The following TC2N variants were observed in gnomAD, a reference collection of about 807,000 sequenced individuals.
TC2N encodes tandem C2 domains nuclear protein.
In TC2N, 51 loss-of-function variants were observed where a neutral mutation model predicts 61.9. The observed-to-expected ratio is 0.82, with a 90% CI of 0.66 to 1.04. TC2N has a LOEUF of 1.04. TC2N is among the 50% of genes least tolerant of loss of function. The pLI is 0.00. For missense variants in TC2N, 556 were observed against 566.7 expected (o/e 0.98, Z 0.19); for synonymous variants, 204 against 192.6 (o/e 1.06, Z -0.49).
At chr14:91,793,745 T>C (rs1885770632) in intron 8 of TC2N, among the ~76,000 whole-genome samples, 1 of 152,108 alleles carries the variant, frequency 6.6e-6, no homozygotes. Context: ...CTCCCTCTCC[T>C]CAGGCCTCCC....
At chr14:91,806,174 G>A (rs1449473946) in intron 3 of TC2N, among the ~76,000 whole-genome samples, 4 of 152,134 alleles carry the variant, frequency 2.6e-5, no homozygotes, top group Non-Finnish European at 4.4e-5. Context: ...CCCCAGCCAC[G>A]TGGAACTGTG....
intron 1 of TC2N, among the ~76,000 whole-genome samples, chr14:91,838,466 G>A (rs1888107247): frequency 1.3e-5 from 2 of 152,206 alleles, no homozygotes; most frequent in Admixed American, 6.5e-5. Context: ...CCTAAGGAGA[G>A]CACATCCTTG....
At chr14:91,807,349 G>A (rs1566771252) in intron 3 of TC2N, among the ~76,000 whole-genome samples, 2 of 152,180 alleles carry the variant, frequency 1.3e-5, no homozygotes, top group East Asian at 1.9e-4. Context: ...TTTGCATTGT[G>A]CACCTGGAAA....
At chr14:91,834,501 G>A (rs1352719680) in intron 1 of TC2N, among the ~76,000 whole-genome samples, 1 of 151,414 alleles carries the variant, frequency 6.6e-6, no homozygotes, top group Non-Finnish European at 1.5e-5. Flanking sequence ...CCTAATCAAT[G>A]GATCGCCTCT....
Position 91,813,786 on chromosome 14 carries a change from T to A in TC2N, c.-17A>T. The A allele has an allele frequency of 6.3e-7, 1 of 1,585,134 alleles. No individual in the cohort carries two copies. The highest frequency in any genetic ancestry group is 1.3e-5 in the African/African-American group (1 of 74,396). On this transcript the variant is annotated 5_prime_UTR_variant, in exon 2 of 12. Transcript: ENST00000435962. ...TGTTGCCATTACATTCAATTTCCAA[T>A]ATCCAGCAAAAGACACAAACTTCCA... is the stretch of plus-strand genomic sequence containing the variant.
chr14:91,792,361 G>A lies in TC2N; in HGVS notation c.1047+6C>T, dbSNP rs370028113. On this transcript the variant is annotated splice_donor_region_variant and intron_variant, in intron 9 of 11. Transcript: ENST00000435962. ...GAAATACTCTTAACATACTATTATCGCTTACAGAAATTTTTGAAGGTGGTG... is the reference window on the plus strand; with the variant it reads ...GAAATACTCTTAACATACTATTATCACTTACAGAAATTTTTGAAGGTGGTG... The A allele has an allele frequency of 4.3e-5, 68 of 1,574,110 alleles. No homozygotes were observed. The highest frequency in any genetic ancestry group is 5.4e-5 in the African/African-American group (4 of 73,662).
chr14:91,851,377 G>A (rs1417758859), intron 1 of TC2N, among the ~76,000 whole-genome samples: 1 of 152,198 alleles, frequency 6.6e-6, no homozygotes, highest in East Asian at 1.9e-4. Context: ...AAGCTGTAAA[G>A]TGAGTGGAAT....
chr14:91,787,618 C>A lies in TC2N; in HGVS notation c.1057G>T (p.Ala353Ser). ...TPPSKISVCH[A>S]ELELGTCFQA... ...AAACAAGTCCCCAATTCAAGTTCTGCATGGCAAACCTGCATATCAAAAAAG... is the reference window on the plus strand; with the variant it reads ...AAACAAGTCCCCAATTCAAGTTCTGAATGGCAAACCTGCATATCAAAAAAG... Residue 353 changes from alanine (A) to serine (S), a missense_variant, in exon 10 of 12, where the codon GCA becomes TCA. Ala to Ser is a moderately conservative substitution (Grantham distance 99). Coordinates refer to ENST00000435962, the MANE Select transcript of TC2N (RefSeq NM_001128596.3). 1 of 1,595,716 alleles carries A rather than the reference C, an allele frequency of 6.3e-7. No homozygotes were observed.
At chr14:91,862,355 AAAAG>A (rs1435940138) in intron 1 of TC2N, among the ~76,000 whole-genome samples, 4 of 151,706 alleles carry the variant, frequency 2.6e-5, no homozygotes, top group South Asian at 4.2e-4. Context: ...AAAAAAAAAA[AAAAG>A]AAAGAGAAAA....
intron 1 of TC2N, among the ~76,000 whole-genome samples, chr14:91,828,256 A>C (rs1887588730): frequency 6.6e-6 from 1 of 152,156 alleles, no homozygotes; most frequent in African/African-American, 2.4e-5. Context: ...ATAAATCCAC[A>C]TGGACACATT....
intron 3 of TC2N, among the ~76,000 whole-genome samples, chr14:91,804,633 G>C (rs60319768): frequency 0.066 from 10,045 of 152,080 alleles, 998 homozygotes; most frequent in African/African-American, 0.21. Context: ...AAAACATAAT[G>C]TTGAATGAGA....
intron 1 of TC2N, among the ~76,000 whole-genome samples, chr14:91,864,908 G>A (rs1888665392): frequency 6.6e-6 from 1 of 150,802 alleles, no homozygotes; most frequent in South Asian, 2.1e-4. Context: ...CAGTCTCTGA[G>A]TAGCTGGGAT....
At chr14:91,805,857 T>A (rs981201375) in intron 3 of TC2N, among the ~76,000 whole-genome samples, 1 of 152,164 alleles carries the variant, frequency 6.6e-6, no homozygotes. Flanking sequence ...CAAAACAACT[T>A]ACAGCCCTGC....
chr14:91,829,732 C>T (rs1887664201), intron 1 of TC2N, among the ~76,000 whole-genome samples: 1 of 152,130 alleles, frequency 6.6e-6, no homozygotes, highest in Admixed American at 6.5e-5. Flanking sequence ...CTTCCTTGTA[C>T]AGCTGGTTAT....
At chr14:91,786,212 G>T (rs1885357135) in intron 10 of TC2N, among the ~76,000 whole-genome samples, 1 of 152,164 alleles carries the variant, frequency 6.6e-6, no homozygotes, top group African/African-American at 2.4e-5. Flanking sequence ...AACAGCATCT[G>T]TTGTCCTTGT....
At position 91,783,040 on chromosome 14, in the gene TC2N, T is replaced by C; in HGVS notation, c.*60A>G. ...TTGCCTCTTCTCATTGGTAGCAAAT[T>C]GAAATCATAAGTCTTCTAAAAGAAT... On this transcript the variant is annotated 3_prime_UTR_variant, in exon 12 of 12. Coordinates refer to ENST00000435962, the MANE Select transcript of TC2N (RefSeq NM_001128596.3). 1 of 1,111,144 alleles carries C rather than the reference T, an allele frequency of 9.0e-7. No homozygotes were observed. The highest frequency in any genetic ancestry group is 1.4e-6 in the Non-Finnish European group (1 of 740,064). The allele number at this position is 1,111,144 out of a possible 1,614,324, so 68.8% of individuals were successfully genotyped here.
intron 11 of TC2N, 50 bp from the exon 12 acceptor site, chr14:91,783,260 C>A (rs537535675): frequency 1.9e-6 from 2 of 1,062,800 alleles, no homozygotes; most frequent in Admixed American, 1.9e-5. Flanking sequence ...ATAATAATAA[C>A]TACATTCAGA....
chr14:91,839,795 A>G (rs1369042380), intron 1 of TC2N, among the ~76,000 whole-genome samples: 1 of 152,192 alleles, frequency 6.6e-6, no homozygotes, highest in Admixed American at 6.5e-5. Flanking sequence ...TTCAAAAAAT[A>G]TTTCTGAGTG....
intron 1 of TC2N, among the ~76,000 whole-genome samples, chr14:91,862,994 G>A (rs1312341212): frequency 1.3e-5 from 2 of 152,234 alleles, no homozygotes; most frequent in East Asian, 1.9e-4. Context: ...TGTAGATGAT[G>A]ATTTTAATAG....
Sources: allele counts gnomAD v4.1 joint callset (sites outside exome capture counted in the v4.1 genomes callset), GRCh38; gene constraint gnomAD v4.1.1; transcripts MANE v1.5; gene names NCBI Gene and HGNC (gene_info 2026-07-23, HGNC 2026-07-21).